Variants in IMMP2L observed in about 807,000 individuals in gnomAD.
IMMP2L encodes the protein inner mitochondrial membrane peptidase subunit 2.
Under a neutral mutation model 19.3 loss-of-function variants are expected in IMMP2L, and 18 were observed. That is an observed-to-expected ratio of 0.93 (90% CI 0.64 to 1.38). The LOEUF is 1.38. Among genes scored for constraint, IMMP2L ranks in the 40% most tolerant of loss-of-function variants. IMMP2L has a pLI of 0.00. For missense variants in IMMP2L, 233 were observed against 218.2 expected, an observed-to-expected ratio of 1.07 and a Z score of -0.43; for synonymous variants, 76 against 73.0, an observed-to-expected ratio of 1.04 and a Z score of -0.21.
intron 3 of IMMP2L, among the ~76,000 whole-genome samples, chr7:111,074,643 C>A (rs892319841): frequency 2.0e-5 from 3 of 152,126 alleles, no homozygotes; most frequent in African/African-American, 7.2e-5. Flanking sequence ...AGCTGGAAAC[C>A]AAAATTCTAA....
At chr7:111,522,775 A>G (rs965182216) in intron 1 of IMMP2L, among the ~76,000 whole-genome samples, 1 of 152,054 alleles carries the variant, frequency 6.6e-6, no homozygotes, top group Non-Finnish European at 1.5e-5. Flanking sequence ...CTGCAATCCT[A>G]TTCTTAGGAA....
intron 3 of IMMP2L, among the ~76,000 whole-genome samples, chr7:111,229,107 C>G (rs553590154): frequency 2.2e-3 from 339 of 151,934 alleles, no homozygotes; most frequent in Non-Finnish European, 4.0e-3. Context: ...AACACACTAA[C>G]AGTTTACAAA....
At chr7:111,423,164 T>C (rs1835746898) in intron 3 of IMMP2L, among the ~76,000 whole-genome samples, 1 of 151,846 alleles carries the variant, frequency 6.6e-6, no homozygotes. Context: ...ATCAGGGATA[T>C]TGGTCTAAAA....
In IMMP2L at chr7:111,123,150, C is replaced by T. The variant is rs139382575; in HGVS notation, c.240-159585G>A. 1.9e-4 allele frequency: 305 copies of T among 1,613,916 alleles called. 1 individual carries two copies. The African/African-American group carries it at 3.0e-3, about 16-fold the overall frequency. On this transcript the variant is annotated intron_variant, in intron 3 of 5. Coordinates refer to ENST00000405709, the MANE Select transcript of IMMP2L (RefSeq NM_032549.4). This position sits in a 1 kb window ranked among gnomAD's most constrained non-coding sequence, Gnocchi z 6.4. ...TCCTTTCTGTGTACCTAGAGGAAAA[C>T]AAACTTACTGAACTGCCTGAAAAAT...
chr7:110,827,687 C>G (rs557879682), intron 5 of IMMP2L, among the ~76,000 whole-genome samples: 7 of 152,150 alleles, frequency 4.6e-5, no homozygotes, highest in African/African-American at 1.4e-4. Context: ...GGCTTGACAA[C>G]AAAAGCACAT....
chr7:111,039,811 A>G (rs951497569), intron 3 of IMMP2L, among the ~76,000 whole-genome samples: 3 of 152,174 alleles, frequency 2.0e-5, no homozygotes, highest in Non-Finnish European at 4.4e-5. Flanking sequence ...TATGCCTTTA[A>G]TTGGCTACCA....
chr7:111,306,408 G>A (rs908338823), intron 3 of IMMP2L, among the ~76,000 whole-genome samples: 15 of 152,042 alleles, frequency 9.9e-5, no homozygotes, highest in African/African-American at 2.9e-4. Flanking sequence ...ATGGGAACAG[G>A]AGTAGGTACA....
At chr7:110,819,059 T>C (rs1471505779) in intron 5 of IMMP2L, among the ~76,000 whole-genome samples, 2 of 151,652 alleles carry the variant, frequency 1.3e-5, no homozygotes, top group Admixed American at 6.6e-5. Context: ...TGTATACATA[T>C]GTAACAAACC....
At chr7:111,170,837 T>A (rs1488735006) in intron 3 of IMMP2L, among the ~76,000 whole-genome samples, 1 of 151,574 alleles carries the variant, frequency 6.6e-6, no homozygotes, top group Admixed American at 6.6e-5. Flanking sequence ...AGGCTTTTAG[T>A]GTACCCATTA....
chr7:111,143,039 T>C (rs1191984808), intron 3 of IMMP2L, among the ~76,000 whole-genome samples: 1 of 152,118 alleles, frequency 6.6e-6, no homozygotes, highest in Non-Finnish European at 1.5e-5. Flanking sequence ...CTTTTGTGTG[T>C]GCTCCAATCA....
intron 3 of IMMP2L, among the ~76,000 whole-genome samples, chr7:111,472,551 A>G (rs1386203286): frequency 1.3e-5 from 2 of 152,156 alleles, no homozygotes; most frequent in Non-Finnish European, 2.9e-5. Flanking sequence ...AGAATCACCA[A>G]TAATTGTAAC....
At chr7:111,480,597 CAAAAAAAAAAAA>C (rs925037556) in intron 3 of IMMP2L, among the ~76,000 whole-genome samples, 10 of 55,060 alleles carry the variant, frequency 1.8e-4, no homozygotes, top group Admixed American at 8.4e-4. Context: ...ATTTTACTGT[CAAAAAAAAAAAA>C]AAAAAAAAAA....
chr7:110,950,866 A>ATATATATATATATATATG (rs1294842966), intron 4 of IMMP2L, among the ~76,000 whole-genome samples: 1 of 134,806 alleles, frequency 7.4e-6, no homozygotes, highest in South Asian at 2.4e-4. Flanking sequence ...ATATATATAT[A>ATATATATATATATATATG]TATATGTATA....
chr7:111,478,874 C>T (rs112765550), intron 3 of IMMP2L, among the ~76,000 whole-genome samples: 3,413 of 152,042 alleles, frequency 0.022, 136 homozygotes, highest in African/African-American at 0.078. Context: ...CCAAGTGTTG[C>T]GTATAAAAAA....
intron 3 of IMMP2L, among the ~76,000 whole-genome samples, chr7:111,363,762 G>A (rs982426940): frequency 6.6e-6 from 1 of 151,898 alleles, no homozygotes; most frequent in Non-Finnish European, 1.5e-5. Context: ...AAGCATATAA[G>A]GACAAGATTA....
chr7:111,386,504 C>T lies in IMMP2L; in HGVS notation c.239+100734G>A, dbSNP rs192331159. ...AGAATATTTCTAAGCATGCCAGCTACTCAAATTCAAGTGTGAAGGTATGTG... is the reference window on the plus strand; with the variant it reads ...AGAATATTTCTAAGCATGCCAGCTATTCAAATTCAAGTGTGAAGGTATGTG... On this transcript the variant is annotated intron_variant, in intron 3 of 5. Coordinates refer to ENST00000405709, the MANE Select transcript of IMMP2L (RefSeq NM_032549.4). Among the ~76,000 whole-genome samples the T allele has an allele frequency of 5.8e-4, 88 of 152,208 alleles. 2 individuals carry two copies. Among genetic ancestry groups the T allele is most frequent in the African/African-American group, 2.0e-3 (82 of 41,542 alleles).
chr7:111,492,410 T>G (rs1273846467), intron 2 of IMMP2L: 1 of 983,726 alleles, frequency 1.0e-6, no homozygotes, highest in African/African-American at 1.7e-5. Context: ...GCTCTTTGGA[T>G]GCCTCATTAT....
At position 110,934,278 on chromosome 7, in the gene IMMP2L, A is replaced by G. The variant is rs370984905; in HGVS notation, c.305+29222T>C. Among the ~76,000 whole-genome samples, 18 of 152,282 alleles carry G rather than the reference A, an allele frequency of 1.2e-4. No individual in the cohort carries two copies. In the East Asian group the frequency reaches 3.1e-3, roughly 26 times the overall value. ...TTCCAATCATGTTGTCAATTTTAGA[A>G]TAAGTGTGATGTGGTGCTGAGAAGA... On this transcript the variant is annotated intron_variant, in intron 4 of 5. Coordinates refer to ENST00000405709, the MANE Select transcript of IMMP2L (RefSeq NM_032549.4).
At chr7:110,799,282 T>G (rs1016779431) in intron 5 of IMMP2L, among the ~76,000 whole-genome samples, 1 of 151,924 alleles carries the variant, frequency 6.6e-6, no homozygotes, top group African/African-American at 2.4e-5. Flanking sequence ...GAATTAAATT[T>G]GAGGGTGCTA....
Sources: allele counts gnomAD v4.1 joint callset (sites outside exome capture counted in the v4.1 genomes callset), GRCh38; gene constraint gnomAD v4.1.1; non-coding constraint Gnocchi (gnomAD v3.1); transcripts MANE v1.5; gene names NCBI Gene and HGNC (gene_info 2026-07-23, HGNC 2026-07-21).